CEP78: variants seen among roughly 807,000 people sequenced by gnomAD.
The protein encoded by CEP78 is centrosomal protein of 78 kDa.
Under a neutral mutation model 81.2 loss-of-function variants are expected in CEP78, and 76 were observed. That is an observed-to-expected ratio of 0.94 (90% CI 0.78 to 1.13). The LOEUF is 1.13. Among genes scored for constraint, CEP78 ranks in the 50% most tolerant of loss-of-function variants. The probability of loss-of-function intolerance (pLI) is 0.00; values close to 1 mark genes in which losing one functional copy is unlikely to be tolerated. For synonymous variants in CEP78, 293 were observed against 301.4 expected, an observed-to-expected ratio of 0.97 and a Z score of 0.29; for missense variants, 918 against 846.8, an observed-to-expected ratio of 1.08 and a Z score of -1.04.
chr9:78,248,336 GA>G lies in CEP78; in HGVS notation c.940del (p.Arg314GlyfsTer10). On this transcript the variant is annotated frameshift_variant, in exon 7 of 17. Coordinates refer to ENST00000643273, the MANE Select transcript of CEP78 (RefSeq NM_001330691.3). LOFTEE classifies it high-confidence loss of function. Reference protein sequence around the residue: ...KAVIKKVLQNGRSAKSEYQWI... With the variant: ...KAVIKKVLQNXRSAKSEYQWI... Reference sequence around the variant, plus strand: ...GTTATCAAAAAAGTCCTCCAGAATGGAAGGAGTGCCAAATCAGAGGTATATC... The same window carrying G: ...GTTATCAAAAAAGTCCTCCAGAATGGAGGAGTGCCAAATCAGAGGTATATC... The G allele has an allele frequency of 6.3e-7, 1 of 1,579,890 alleles. No individual in the cohort carries two copies. Among genetic ancestry groups the G allele is most frequent in the Non-Finnish European group, 8.7e-7 (1 of 1,148,908 alleles).
chr9:78,246,022 G>A (rs114531882), intron 5 of CEP78, among the ~76,000 whole-genome samples: 3,196 of 152,166 alleles, frequency 0.021, 111 homozygotes, highest in African/African-American at 0.072. Context: ...TGTTTACACT[G>A]CCACTAGCAT....
intron 16 of CEP78, among the ~76,000 whole-genome samples, chr9:78,269,824 T>G (rs917287890): frequency 5.3e-5 from 8 of 152,152 alleles, no homozygotes; most frequent in African/African-American, 1.9e-4. Flanking sequence ...GACTAAGGAC[T>G]TAAATGTTTG....
chr9:78,242,020 A>T (rs1408766374), intron 4 of CEP78, among the ~76,000 whole-genome samples: 1 of 152,162 alleles, frequency 6.6e-6, no homozygotes, highest in Non-Finnish European at 1.5e-5. Context: ...TAATAATTAG[A>T]TTTTTCTGTA....
intron 6 of CEP78, among the ~76,000 whole-genome samples, chr9:78,247,779 A>G (rs1587569108): frequency 1.3e-5 from 2 of 152,310 alleles, no homozygotes; most frequent in South Asian, 4.1e-4. Flanking sequence ...GAGGTGGTAA[A>G]AAGTGGTTGA....
At chr9:78,269,275 A>G (rs764238440) in intron 16 of CEP78, among the ~76,000 whole-genome samples, 5 of 152,154 alleles carry the variant, frequency 3.3e-5, no homozygotes, top group Non-Finnish European at 7.3e-5. Flanking sequence ...TTCTGTGACT[A>G]AGGTTGGGTG....
In CEP78 at chr9:78,236,390, G is replaced by A. The variant is rs1023786396; in HGVS notation, c.40G>A (p.Asp14Asn). 1.9e-6 allele frequency: 3 copies of A among 1,592,736 alleles called. No homozygotes were observed. In the African/African-American group the frequency reaches 4.0e-5, roughly 21 times the overall value. ...GAAGCTGCGCCGCGACAGCGCGGCG[G>A]ACTTCTTCTCCCACTACGAGTACCT... ...SVKLRRDSAA[D>N]FFSHYEYLCA... Residue 14 changes from aspartate (D) to asparagine (N), a missense_variant, in exon 1 of 17, where the codon GAC becomes AAC. Coordinates refer to ENST00000643273, the MANE Select transcript of CEP78 (RefSeq NM_001330691.3).
chr9:78,267,867 AGAGAT>A (rs1198525846), intron 16 of CEP78, among the ~76,000 whole-genome samples: 1 of 152,094 alleles, frequency 6.6e-6, no homozygotes, highest in Non-Finnish European at 1.5e-5. Context: ...CTATGACTTG[AGAGAT>A]GAGATGAGAG....
In CEP78 at chr9:78,277,863, T is replaced by C. The variant is rs1330194850; in HGVS notation, c.*7012T>C. The stretch of plus-strand genomic sequence containing the variant: ...ATTGTTGAATTAGTACATACCAATT[T>C]CTGACATATAACACTCTGCAGCAGA... On this transcript the variant is annotated 3_prime_UTR_variant, in exon 17 of 17. Transcript: ENST00000643273. 6.6e-6 allele frequency: 1 copy of C among 152,220 alleles called. No homozygotes were observed. Among genetic ancestry groups the C allele is most frequent in the African/African-American group, 2.4e-5 (1 of 41,446 alleles). 9.4% of individuals were successfully genotyped at this position (152,220 alleles called of 1,614,324 possible). A position where few individuals can be genotyped will look rare whatever the true frequency, so the allele number is the denominator to read the frequency against.
At position 78,279,238 on chromosome 9, in the gene CEP78, T is replaced by C. The variant is rs553635265; in HGVS notation, c.*8387T>C. ...AAATGTGAAGGCGGCTTTTATCTCCTTAAGAAAACAAGAAAACTCCACAAA... is the reference window on the plus strand; with the variant it reads ...AAATGTGAAGGCGGCTTTTATCTCCCTAAGAAAACAAGAAAACTCCACAAA... On this transcript the variant is annotated 3_prime_UTR_variant, in exon 17 of 17. Transcript: ENST00000643273. The C allele has an allele frequency of 3.9e-5, 6 of 152,154 alleles. No individual in the cohort carries two copies. The highest frequency in any genetic ancestry group is 5.9e-5 in the Non-Finnish European group (4 of 68,020). The allele number at this position is 152,154 out of a possible 1,614,324, so 9.4% of individuals were successfully genotyped here.
In CEP78 at chr9:78,252,680, A is replaced by G. The variant is rs150830367; in HGVS notation, c.1206-552A>G. 4.9e-3 allele frequency among the ~76,000 whole-genome samples: 754 copies of G among 152,350 alleles called. 5 individuals carry two copies. The highest frequency in any genetic ancestry group is 7.6e-3 in the Non-Finnish European group (518 of 68,030). ...TGGAGATTAACAATTGCTTAAGAAA[A>G]CAAAGAGGATTGAATTTAAATAGGA... On this transcript the variant is annotated intron_variant, in intron 9 of 16. Transcript: ENST00000643273.
rs1398125687 is a variant in CEP78, at chr9:78,278,117, TCA to T, written c.*7269_*7270del. 6.6e-6 allele frequency: 1 copy of T among 152,218 alleles called. No homozygotes were observed. The highest frequency in any genetic ancestry group is 1.5e-5 in the Non-Finnish European group (1 of 68,032). 9.4% of individuals were successfully genotyped at this position (152,218 alleles called of 1,614,324 possible). A position where few individuals can be genotyped will look rare whatever the true frequency, so the allele number is the denominator to read the frequency against. ...TGAAGGAGGAAAAAAGGGGGGCTTCTCACATTTTACTCCATTTAATTCTAGGT... is the reference window on the plus strand; with the variant it reads ...TGAAGGAGGAAAAAAGGGGGGCTTCTCATTTTACTCCATTTAATTCTAGGT... On this transcript the variant is annotated 3_prime_UTR_variant, in exon 17 of 17. Coordinates refer to ENST00000643273, the MANE Select transcript of CEP78 (RefSeq NM_001330691.3).
rs919381779 is a variant in CEP78, at chr9:78,256,572, G to A, written c.1380+1608G>A. Among the ~76,000 whole-genome samples the A allele has an allele frequency of 8.5e-5, 10 of 117,246 alleles. 1 individual carries two copies. The highest frequency in any genetic ancestry group is 5.5e-4 in the South Asian group (2 of 3,618). The allele number at this position is 117,246 out of a possible 152,430, so 76.9% of individuals were successfully genotyped here. A position where few individuals can be genotyped will look rare whatever the true frequency, so the allele number is the denominator to read the frequency against. On this transcript the variant is annotated intron_variant, in intron 11 of 16. Coordinates refer to ENST00000643273, the MANE Select transcript of CEP78 (RefSeq NM_001330691.3). The stretch of plus-strand genomic sequence containing the variant: ...TTTTGAGATGGAGTCTCGCTCTGTC[G>A]CCCAGGCTGGAATGCAGTGGCGGGA...
chr9:78,263,164 A>T (rs1325758298), intron 12 of CEP78, among the ~76,000 whole-genome samples, 180 bp downstream of exon 12: 1 of 152,158 alleles, frequency 6.6e-6, no homozygotes. Flanking sequence ...CTGTATTCCA[A>T]AAAGCATGTT....
intron 13 of CEP78, among the ~76,000 whole-genome samples, 186 bp from the exon 14 acceptor site, chr9:78,265,186 G>T (rs1381957390): frequency 6.6e-6 from 1 of 152,228 alleles, no homozygotes; most frequent in Non-Finnish European, 1.5e-5. Context: ...ATATGATATG[G>T]TTTGTCTCAG....
intron 11 of CEP78, among the ~76,000 whole-genome samples, chr9:78,255,409 C>T (rs1048236228): frequency 1.3e-5 from 2 of 151,826 alleles, no homozygotes; most frequent in African/African-American, 4.8e-5. Flanking sequence ...AGTAATTATC[C>T]TTTTTTTATA....
intron 5 of CEP78, among the ~76,000 whole-genome samples, chr9:78,245,831 A>G (rs1826452149): frequency 6.6e-6 from 1 of 152,092 alleles, no homozygotes; most frequent in African/African-American, 2.4e-5. Context: ...CTTTGGATTC[A>G]TTATTTCTAT....
At chr9:78,265,327 C>T in intron 13 of CEP78, 45 bp from the exon 14 acceptor site, 1 of 1,477,948 alleles carries the variant, frequency 6.8e-7, no homozygotes, top group South Asian at 1.4e-5. Context: ...TTCTTATGTG[C>T]TTCTAGTAAT....
chr9:78,241,430 T>G (rs547448957), intron 3 of CEP78, among the ~76,000 whole-genome samples: 2 of 152,336 alleles, frequency 1.3e-5, no homozygotes, highest in East Asian at 3.9e-4. Flanking sequence ...TATAGAACTT[T>G]ACTGTGGTCT....
At chr9:78,240,269 T>G in intron 2 of CEP78, 23 bp from the exon 3 acceptor site, 1 of 1,609,812 alleles carries the variant, frequency 6.2e-7, no homozygotes, top group East Asian at 2.2e-5. Flanking sequence ...AATAACATTT[T>G]TAACTTTTCC....
Sources: gnomAD v4.1 joint callset for allele counts (sites outside exome capture counted in the v4.1 genomes callset) on GRCh38, gnomAD v4.1.1 for gene constraint, MANE v1.5 for transcripts, NCBI Gene and HGNC (gene_info 2026-07-23, HGNC 2026-07-21) for gene names.